The following PABPC4L variants were observed in gnomAD, a reference collection of about 807,000 sequenced individuals.
PABPC4L encodes the protein polyadenylate-binding protein 4-like.
For missense variants in PABPC4L, 452 were observed against 451.4 expected, an observed-to-expected ratio of 1.00 and a Z score of -0.01; for synonymous variants, 169 against 164.1, an observed-to-expected ratio of 1.03 and a Z score of -0.23.
At chr4:134,117,936 A>T in the PABPC4L span, among the ~76,000 whole-genome samples, 1 of 151,688 alleles carries the variant, frequency 6.6e-6, no homozygotes, top group Non-Finnish European at 1.5e-5. Context: ...CTCCTCTCAA[A>T]ATAAAAGCAG....
chr4:134,054,252 GTATATATATATATATA>G, the PABPC4L span, among the ~76,000 whole-genome samples: 15 of 93,774 alleles, frequency 1.6e-4, no homozygotes, highest in East Asian at 2.1e-3. Context: ...AGTTGTATAT[GTATATATATATATATA>G]TATATATATA....
the PABPC4L span, among the ~76,000 whole-genome samples, chr4:134,072,288 C>T: frequency 6.6e-6 from 1 of 152,098 alleles, no homozygotes. Flanking sequence ...TGTTTCCTGG[C>T]CCCAGAGTTG....
At chr4:134,067,575 G>C in the PABPC4L span, among the ~76,000 whole-genome samples, 1 of 151,764 alleles carries the variant, frequency 6.6e-6, no homozygotes, top group Non-Finnish European at 1.5e-5. Context: ...CTAGCTTTGG[G>C]GTTGTTTTGC....
chr4:133,956,067 A>G, the PABPC4L span, among the ~76,000 whole-genome samples: 7 of 152,158 alleles, frequency 4.6e-5, no homozygotes, highest in African/African-American at 1.7e-4. Flanking sequence ...TTAAAAAAAA[A>G]TGAGGGATTT....
the PABPC4L span, among the ~76,000 whole-genome samples, chr4:133,963,959 G>T: frequency 6.6e-6 from 1 of 151,126 alleles, no homozygotes; most frequent in Admixed American, 6.6e-5. Context: ...CCAGAAGAAA[G>T]GAAATAACCA....
At chr4:134,082,966 C>T in the PABPC4L span, among the ~76,000 whole-genome samples, 1 of 152,144 alleles carries the variant, frequency 6.6e-6, no homozygotes, top group Non-Finnish European at 1.5e-5. Context: ...CTCTGTACTG[C>T]ATGAGCACTG....
the PABPC4L span, among the ~76,000 whole-genome samples, chr4:134,015,667 A>G: frequency 6.6e-6 from 1 of 151,966 alleles, no homozygotes; most frequent in African/African-American, 2.4e-5. Context: ...CCAAACCTCA[A>G]TCCCTTACAA....
chr4:134,117,673 C>G, the PABPC4L span, among the ~76,000 whole-genome samples: 1 of 151,758 alleles, frequency 6.6e-6, no homozygotes, highest in Non-Finnish European at 1.5e-5. Flanking sequence ...ATGCTAAGGT[C>G]ACAAGCATGA....
At chr4:134,085,153 T>C in the PABPC4L span, among the ~76,000 whole-genome samples, 1 of 152,044 alleles carries the variant, frequency 6.6e-6, no homozygotes, top group African/African-American at 2.4e-5. Context: ...GGACCAGCAG[T>C]CCATTCTTTT....
the PABPC4L span, among the ~76,000 whole-genome samples, chr4:134,141,113 A>G: frequency 7.3e-4 from 111 of 151,836 alleles, no homozygotes; most frequent in Admixed American, 7.3e-3. Flanking sequence ...GGAAAACTAC[A>G]TTGTACAATC....
the PABPC4L span, among the ~76,000 whole-genome samples, chr4:134,042,197 T>C: frequency 6.6e-6 from 1 of 152,142 alleles, no homozygotes; most frequent in Non-Finnish European, 1.5e-5. Context: ...AACCAGCTAC[T>C]GCATAGATAC....
the PABPC4L span, among the ~76,000 whole-genome samples, chr4:134,170,585 C>A: frequency 8.5e-5 from 13 of 152,166 alleles, no homozygotes; most frequent in Admixed American, 5.2e-4. Flanking sequence ...AGGTGCCTCA[C>A]ATGGTGGAAA....
the PABPC4L span, among the ~76,000 whole-genome samples, chr4:134,138,222 A>T: frequency 6.6e-6 from 1 of 151,846 alleles, no homozygotes; most frequent in African/African-American, 2.4e-5. Context: ...AAACCTAGTA[A>T]AAATATTTTG....
At chr4:134,056,269 G>A in the PABPC4L span, among the ~76,000 whole-genome samples, 1 of 151,898 alleles carries the variant, frequency 6.6e-6, no homozygotes, top group African/African-American at 2.4e-5. Context: ...ATTGGTTAGA[G>A]TGTTTCCCCC....
At chr4:133,979,603 T>TA in the PABPC4L span, among the ~76,000 whole-genome samples, 1 of 152,144 alleles carries the variant, frequency 6.6e-6, no homozygotes, top group Non-Finnish European at 1.5e-5. Context: ...AGCCCCTTGA[T>TA]ATGGCCTGAA....
At chr4:134,113,930 A>G in the PABPC4L span, among the ~76,000 whole-genome samples, 1 of 151,880 alleles carries the variant, frequency 6.6e-6, no homozygotes, top group East Asian at 1.9e-4. Flanking sequence ...AAGGCAACAA[A>G]TTATACTCAA....
At chr4:133,998,650 C>A in the PABPC4L span, among the ~76,000 whole-genome samples, 1 of 151,768 alleles carries the variant, frequency 6.6e-6, no homozygotes, top group East Asian at 1.9e-4. Flanking sequence ...CAGTTTTTAA[C>A]TACACATTCA....
At chr4:134,092,169 A>G in the PABPC4L span, among the ~76,000 whole-genome samples, 3 of 151,970 alleles carry the variant, frequency 2.0e-5, no homozygotes, top group East Asian at 1.9e-4. Context: ...ACAGCCCTAA[A>G]TGAGAACTCC....
chr4:134,166,933 C>G, the PABPC4L span, among the ~76,000 whole-genome samples: 2 of 152,132 alleles, frequency 1.3e-5, no homozygotes, highest in Admixed American at 1.3e-4. Context: ...TTGCTTCAAG[C>G]ACCCTTCAAT....
Sources: allele counts gnomAD v4.1 joint callset (sites outside exome capture counted in the v4.1 genomes callset), GRCh38; gene constraint gnomAD v4.1.1; transcripts MANE v1.5; gene names NCBI Gene and HGNC (gene_info 2026-07-23, HGNC 2026-07-21).